F13A1: variants seen among roughly 807,000 people sequenced by gnomAD.
F13A1 encodes the protein coagulation factor XIII A chain.
Under a neutral mutation model 80.1 loss-of-function variants are expected in F13A1, and 47 were observed. The ratio of observed to expected loss-of-function variants is 0.59; its 90% confidence interval spans 0.46 to 0.75. The LOEUF is 0.75. Among genes scored for constraint, F13A1 ranks in the 30% least tolerant of loss-of-function variants. F13A1 has a pLI of 0.00. For synonymous variants in F13A1, 349 were observed against 344.9 expected, an observed-to-expected ratio of 1.01 and a Z score of -0.13; for missense variants, 817 against 930.4, an observed-to-expected ratio of 0.88 and a Z score of 1.59.
intron 8 of F13A1, among the ~76,000 whole-genome samples, chr6:6,204,844 T>C (rs1373377841): frequency 6.6e-6 from 1 of 152,244 alleles, no homozygotes; most frequent in Non-Finnish European, 1.5e-5. Context: ...TTGAGCCTGT[T>C]GGAGTGCTGA....
intron 13 of F13A1, 53 bp from the exon 14 acceptor site, chr6:6,152,002 C>G (rs1760388359): frequency 6.2e-7 from 1 of 1,606,044 alleles, no homozygotes; most frequent in Non-Finnish European, 8.5e-7. Flanking sequence ...GTTCTGCTCT[C>G]TTGTTGTCTT....
intron 7 of F13A1, 27 bp downstream of exon 7, chr6:6,224,659 A>G (rs1280792721): frequency 6.2e-7 from 1 of 1,608,594 alleles, no homozygotes; most frequent in East Asian, 2.2e-5. Flanking sequence ...TTTATATTAA[A>G]AAGAAATTAC....
chr6:6,265,732 G>A (rs1757834287), intron 4 of F13A1, among the ~76,000 whole-genome samples: 1 of 152,204 alleles, frequency 6.6e-6, no homozygotes. Context: ...AAACAACTTT[G>A]TGGAATCCTT....
chr6:6,218,435 C>T lies in F13A1; in HGVS notation c.1112+3598G>A, dbSNP rs797013559. 7.9e-5 allele frequency among the ~76,000 whole-genome samples: 12 copies of T among 152,326 alleles called. 1 individual carries two copies. The highest frequency in any genetic ancestry group is 2.9e-4 in the African/African-American group (12 of 41,574). ...CCAGTGATTCATAGCTGCCTTCCCC[C>T]CAGAGGTTACACATAATTCAGAACT... On this transcript the variant is annotated intron_variant, in intron 8 of 14. Transcript: ENST00000264870.
intron 8 of F13A1, chr6:6,206,501 T>C: frequency 2.1e-6 from 1 of 473,740 alleles, no homozygotes; most frequent in Admixed American, 2.3e-5. Context: ...TCTGACATTT[T>C]ACCCCCAAAC....
In F13A1 at chr6:6,303,695, A is replaced by T. The variant is rs376738044; in HGVS notation, c.319+1656T>A. On this transcript the variant is annotated intron_variant, in intron 3 of 14. Coordinates refer to ENST00000264870, the MANE Select transcript of F13A1 (RefSeq NM_000129.4). ...TGACCAACCCCTTGGGAGACTAAAAATGTATACAGAAAGACTTCCCACTCA... is the reference window on the plus strand; with the variant it reads ...TGACCAACCCCTTGGGAGACTAAAATTGTATACAGAAAGACTTCCCACTCA... Among the ~76,000 whole-genome samples, 15 of 152,300 alleles carry T rather than the reference A, an allele frequency of 9.8e-5. No individual in the cohort carries two copies. The East Asian group carries it at 2.9e-3, about 29-fold the overall frequency.
intron 6 of F13A1, among the ~76,000 whole-genome samples, chr6:6,235,988 A>G (rs1219043190): frequency 6.6e-6 from 1 of 152,174 alleles, no homozygotes; most frequent in East Asian, 1.9e-4. Flanking sequence ...AACTACTGAA[A>G]CAAAAAACAG....
chr6:6,163,340 A>G (rs1019927128), intron 13 of F13A1, among the ~76,000 whole-genome samples: 1 of 152,198 alleles, frequency 6.6e-6, no homozygotes, highest in African/African-American at 2.4e-5. Flanking sequence ...ATTTTTAAAA[A>G]ACCTTTTATT....
chr6:6,201,325 G>T (rs898859128), intron 8 of F13A1, among the ~76,000 whole-genome samples: 1 of 152,158 alleles, frequency 6.6e-6, no homozygotes, highest in Non-Finnish European at 1.5e-5. Flanking sequence ...TTCACTCATG[G>T]CTGAGACGTT....
intron 13 of F13A1, among the ~76,000 whole-genome samples, chr6:6,152,414 G>A (rs1237660586): frequency 6.6e-6 from 1 of 152,206 alleles, no homozygotes; most frequent in Non-Finnish European, 1.5e-5. Context: ...AATATGCCAA[G>A]GATGGAGTCC....
At chr6:6,292,912 T>A (rs1047937392) in intron 3 of F13A1, among the ~76,000 whole-genome samples, 3 of 152,206 alleles carry the variant, frequency 2.0e-5, no homozygotes, top group Admixed American at 6.5e-5. Flanking sequence ...AAAAAGGGAA[T>A]ACTTTCACAG....
At chr6:6,185,511 G>A (rs1336125084) in intron 10 of F13A1, among the ~76,000 whole-genome samples, 1 of 151,704 alleles carries the variant, frequency 6.6e-6, no homozygotes, top group African/African-American at 2.4e-5. Flanking sequence ...TGAGAATGAT[G>A]ATTTCCAATT....
rs201173378 is a variant in F13A1, at chr6:6,167,576, C to T, written c.1790G>A (p.Gly597Asp). ...AVLIQAGEYM[G>D]QLLEQASLHF... is the part of the protein sequence containing the mutation. ...CAGGGACGCTTGTTCCAGCAGCTGA[C>T]CCATGTACTCGCCGGCTTGGATCAG... Residue 597 changes from glycine (G) to aspartate (D), a missense_variant, in exon 13 of 15, where the codon GGT (glycine) becomes GAT (aspartate). Physicochemically the swap from Gly to Asp is moderately conservative, Grantham distance 94 (BLOSUM62 -1). Coordinates refer to ENST00000264870, the MANE Select transcript of F13A1 (RefSeq NM_000129.4). 1 of 1,613,964 alleles carries T rather than the reference C, an allele frequency of 6.2e-7. No homozygotes were observed. Among genetic ancestry groups the T allele is most frequent in the African/African-American group, 1.3e-5 (1 of 74,982 alleles).
At chr6:6,214,540 G>C (rs930057549) in intron 8 of F13A1, among the ~76,000 whole-genome samples, 2 of 101,552 alleles carry the variant, frequency 2.0e-5, no homozygotes, top group African/African-American at 8.2e-5. Context: ...GTGTGTAGAG[G>C]GAAATTTATA....
intron 10 of F13A1, among the ~76,000 whole-genome samples, chr6:6,185,556 A>AT (rs1228682112): frequency 6.6e-6 from 1 of 151,878 alleles, no homozygotes; most frequent in Non-Finnish European, 1.5e-5. Flanking sequence ...TGAACTCATC[A>AT]TTTTTTATGG....
intron 10 of F13A1, among the ~76,000 whole-genome samples, chr6:6,193,952 G>T (rs546919643): frequency 6.3e-4 from 96 of 152,294 alleles, no homozygotes; most frequent in African/African-American, 1.9e-3. Flanking sequence ...GCCACGGCAG[G>T]TACGATGAGA....
At chr6:6,203,280 T>C (rs1761429718) in intron 8 of F13A1, among the ~76,000 whole-genome samples, 1 of 152,232 alleles carries the variant, frequency 6.6e-6, no homozygotes, top group Non-Finnish European at 1.5e-5. Context: ...TGAGTGTAGG[T>C]GAAATCTATA....
At chr6:6,253,824 T>C (rs1757668904) in intron 4 of F13A1, among the ~76,000 whole-genome samples, 1 of 152,158 alleles carries the variant, frequency 6.6e-6, no homozygotes, top group Non-Finnish European at 1.5e-5. Flanking sequence ...TTAAAATCAA[T>C]AGGTAAAAAT....
intron 3 of F13A1, among the ~76,000 whole-genome samples, chr6:6,301,514 AC>A (rs1758430810): frequency 6.6e-6 from 1 of 152,250 alleles, no homozygotes; most frequent in Non-Finnish European, 1.5e-5. Flanking sequence ...CTCTGAACGC[AC>A]ACATCATGGG....
Sources: gnomAD v4.1 joint callset for allele counts (sites outside exome capture counted in the v4.1 genomes callset) on GRCh38, gnomAD v4.1.1 for gene constraint, MANE v1.5 for transcripts, NCBI Gene and HGNC (gene_info 2026-07-23, HGNC 2026-07-21) for gene names.